The following B3GALT1 variants were observed in gnomAD, a reference collection of about 807,000 sequenced individuals.
B3GALT1 encodes the protein UDP-Gal:betaGlcNAc beta 1,3-galactosyltransferase, polypeptide 1.
A neutral mutation model predicts 23.2 loss-of-function variants in B3GALT1; 10 were observed. The ratio of observed to expected loss-of-function variants is 0.43; its 90% CI spans 0.27 to 0.73. The LOEUF is 0.73. Among genes scored for constraint, B3GALT1 ranks in the 30% least tolerant of loss-of-function variants. B3GALT1 has a pLI of 0.21. For missense variants in B3GALT1, 299 were observed against 405.4 expected (o/e 0.74, Z 2.25); for synonymous variants, 156 against 141.5 (o/e 1.10, Z -0.73).
chr2:167,718,463 GTT>G (rs1687185573), intron 3 of B3GALT1, among the ~76,000 whole-genome samples: 1 of 152,110 alleles, frequency 6.6e-6, no homozygotes, highest in South Asian at 2.1e-4. Flanking sequence ...CAATCACTAA[GTT>G]TTAAGTGTAG....
chr2:167,318,940 C>A (rs923424977), intron 1 of B3GALT1, among the ~76,000 whole-genome samples: 1 of 152,122 alleles, frequency 6.6e-6, no homozygotes, highest in Non-Finnish European at 1.5e-5. Flanking sequence ...GGGGCCCATT[C>A]CCTGAGGAGA....
At chr2:167,332,579 GTAGGT>G (rs1696990428) in intron 1 of B3GALT1, among the ~76,000 whole-genome samples, 1 of 152,214 alleles carries the variant, frequency 6.6e-6, no homozygotes, top group African/African-American at 2.4e-5. Flanking sequence ...GTTAGGAAAG[GTAGGT>G]GCATGCCCCA....
intron 2 of B3GALT1, among the ~76,000 whole-genome samples, chr2:167,568,861 T>C (rs1202112587): frequency 6.6e-6 from 1 of 152,000 alleles, no homozygotes; most frequent in African/African-American, 2.4e-5. Context: ...TTTATAGTTT[T>C]ATGTTTTAGA....
rs537714218 is a variant in B3GALT1, at chr2:167,423,554, T to C, written c.-510-66623T>C. On this transcript the variant is annotated intron_variant, in intron 1 of 4. Transcript: ENST00000392690. Reference sequence around the variant, plus strand: ...TAAAGAGCTGTAAAAATGCACACAATACATTGTCAGGGACGAGCAGATGAT... The same window carrying C: ...TAAAGAGCTGTAAAAATGCACACAACACATTGTCAGGGACGAGCAGATGAT... Among the ~76,000 whole-genome samples the C allele has an allele frequency of 3.3e-5, 5 of 152,224 alleles. 1 individual carries two copies. In the South Asian group the frequency reaches 1.0e-3, roughly 32 times the overall value.
chr2:167,451,309 C>G (rs930806703), intron 1 of B3GALT1, among the ~76,000 whole-genome samples: 1 of 152,122 alleles, frequency 6.6e-6, no homozygotes, highest in African/African-American at 2.4e-5. Flanking sequence ...CTGGTTCCTT[C>G]TCATTTGGGT....
intron 2 of B3GALT1, among the ~76,000 whole-genome samples, chr2:167,535,934 T>G (rs1683411719): frequency 6.6e-6 from 1 of 152,176 alleles, no homozygotes; most frequent in African/African-American, 2.4e-5. Context: ...TTTGTTTGTT[T>G]GTTTTTTGAG....
intron 2 of B3GALT1, among the ~76,000 whole-genome samples, chr2:167,561,875 G>A (rs1319813072): frequency 1.3e-5 from 2 of 152,172 alleles, no homozygotes; most frequent in African/African-American, 4.8e-5. Flanking sequence ...TCTACCAGAG[G>A]TACAAGGAGG....
intron 1 of B3GALT1, among the ~76,000 whole-genome samples, chr2:167,368,623 C>T (rs143737744): frequency 3.0e-4 from 45 of 152,246 alleles, no homozygotes; most frequent in Middle Eastern, 6.8e-3. Context: ...CTGGTACTTT[C>T]GTTGCATCTC....
At chr2:167,437,481 A>C (rs749949446) in intron 1 of B3GALT1, among the ~76,000 whole-genome samples, 5 of 152,224 alleles carry the variant, frequency 3.3e-5, no homozygotes, top group Non-Finnish European at 5.9e-5. Flanking sequence ...ATCACTGTCA[A>C]AAGTAGTTTT....
At chr2:167,662,692 T>C (rs879604949) in intron 3 of B3GALT1, among the ~76,000 whole-genome samples, 1 of 151,698 alleles carries the variant, frequency 6.6e-6, no homozygotes, top group Non-Finnish European at 1.5e-5. Context: ...CCATATGACA[T>C]AGAGGAAAAG....
rs140351879 is a variant in B3GALT1, at chr2:167,595,033, A to G, written c.-409-51876A>G. ...TATTACTTTGGCACTTGATCTGTCCATCAAGGAGCCAAGTATTTGCTTCTA... is the reference window on the plus strand; with the variant it reads ...TATTACTTTGGCACTTGATCTGTCCGTCAAGGAGCCAAGTATTTGCTTCTA... On this transcript the variant is annotated intron_variant, in intron 2 of 4. Transcript: ENST00000392690. 6.6e-5 allele frequency among the ~76,000 whole-genome samples: 10 copies of G among 152,320 alleles called. No homozygotes were observed. The East Asian group carries it at 1.5e-3, about 24-fold the overall frequency.
rs559861459 is a variant in B3GALT1, at chr2:167,437,132, T to C, written c.-510-53045T>C. Among the ~76,000 whole-genome samples, 8 of 152,260 alleles carry C rather than the reference T, an allele frequency of 5.3e-5. No individual in the cohort carries two copies. In the East Asian group the frequency reaches 5.8e-4, roughly 11 times the overall value. ...CAGCTGTGGATTTCTGAATTCCCAC[T>C]AGGTGAAGCATTTTCCGTACCAAAG... On this transcript the variant is annotated intron_variant, in intron 1 of 4. Coordinates refer to ENST00000392690, the MANE Select transcript of B3GALT1 (RefSeq NM_020981.4).
chr2:167,450,780 A>G (rs1699077107), intron 1 of B3GALT1, among the ~76,000 whole-genome samples: 1 of 152,188 alleles, frequency 6.6e-6, no homozygotes, highest in Non-Finnish European at 1.5e-5. Flanking sequence ...TTATTCCCCC[A>G]AATATGTTTT....
intron 3 of B3GALT1, among the ~76,000 whole-genome samples, chr2:167,798,719 T>A (rs770473743): frequency 9.9e-5 from 15 of 152,210 alleles, no homozygotes; most frequent in Non-Finnish European, 2.2e-4. Context: ...GGTAGCATGA[T>A]GCCTCCAACT....
intron 2 of B3GALT1, among the ~76,000 whole-genome samples, chr2:167,561,036 A>C (rs1342117646): frequency 2.0e-5 from 3 of 152,098 alleles, no homozygotes; most frequent in Non-Finnish European, 2.9e-5. Flanking sequence ...CCTATTCCAA[A>C]ATTGACCACA....
intron 1 of B3GALT1, among the ~76,000 whole-genome samples, chr2:167,332,263 G>T (rs1327078415): frequency 6.6e-6 from 1 of 152,114 alleles, no homozygotes; most frequent in Non-Finnish European, 1.5e-5. Context: ...CCAGCTCCTG[G>T]CCGATTCTGA....
chr2:167,842,027 GA>G (rs1689662044), intron 4 of B3GALT1, among the ~76,000 whole-genome samples: 1 of 152,100 alleles, frequency 6.6e-6, no homozygotes, highest in African/African-American at 2.4e-5. Context: ...AATAAAGCTG[GA>G]AAAAGACCAA....
intron 3 of B3GALT1, among the ~76,000 whole-genome samples, chr2:167,760,796 G>A (rs1272501596): frequency 1.3e-5 from 2 of 152,136 alleles, no homozygotes; most frequent in Admixed American, 6.6e-5. Context: ...ACTCTTATAT[G>A]TGCGTTAAAA....
chr2:167,768,030 A>T (rs749096885), intron 3 of B3GALT1, among the ~76,000 whole-genome samples: 1 of 152,024 alleles, frequency 6.6e-6, no homozygotes, highest in Non-Finnish European at 1.5e-5. Context: ...AGACAGAGAA[A>T]TCAACCTTCC....
Sources: gnomAD v4.1 joint callset for allele counts (sites outside exome capture counted in the v4.1 genomes callset) on GRCh38, gnomAD v4.1.1 for gene constraint, MANE v1.5 for transcripts, NCBI Gene and HGNC (gene_info 2026-07-23, HGNC 2026-07-21) for gene names.